The following CDH13 variants were observed in gnomAD, a reference collection of about 807,000 sequenced individuals.
The protein encoded by CDH13 is cadherin-13.
In CDH13, 24 loss-of-function variants were observed where a neutral mutation model predicts 63.8. The ratio of observed to expected loss-of-function variants is 0.38; its 90% CI spans 0.27 to 0.53. The LOEUF is 0.53. Among genes scored for constraint, CDH13 ranks in the 20% least tolerant of loss-of-function variants. The pLI, the probability that CDH13 is intolerant of heterozygous loss-of-function variation, is 0.85. For synonymous variants in CDH13, 503 were observed against 355.3 expected, an observed-to-expected ratio of 1.42 and a Z score of -4.67; for missense variants, 1,049 against 903.1, an observed-to-expected ratio of 1.16 and a Z score of -2.07.
intron 5 of CDH13, among the ~76,000 whole-genome samples, chr16:83,341,040 C>T (rs2090710258): frequency 6.6e-6 from 1 of 152,106 alleles, no homozygotes; most frequent in South Asian, 2.1e-4. Context: ...GCCATGCCTA[C>T]CTATTTGTTT....
chr16:83,459,547 GCTAA>G (rs1403738952), intron 6 of CDH13, among the ~76,000 whole-genome samples: 2 of 152,172 alleles, frequency 1.3e-5, no homozygotes, highest in Non-Finnish European at 2.9e-5. Context: ...CTTGAAGCAA[GCTAA>G]CTAATTAAAC....
At chr16:82,734,844 G>A (rs1304243798) in intron 1 of CDH13, among the ~76,000 whole-genome samples, 2 of 152,210 alleles carry the variant, frequency 1.3e-5, no homozygotes, top group Non-Finnish European at 2.9e-5. Flanking sequence ...CTGGGTGATT[G>A]TTGAGAAGCT....
chr16:82,800,968 A>G (rs2036827568), intron 1 of CDH13, among the ~76,000 whole-genome samples: 1 of 152,168 alleles, frequency 6.6e-6, no homozygotes, highest in African/African-American at 2.4e-5. Flanking sequence ...GGAGAAAAAA[A>G]GGGAATAGGA....
rs549847128 is a variant in CDH13 at position 82,676,932 on chromosome 16, A to T, written c.45+49795A>T. ...CGGAGTCTCACTCTGTCACCAGGCT[A>T]GAGTGCAGTGGCGCAAGCTCAGCTC... On this transcript the variant is annotated intron_variant, in intron 1 of 13. Coordinates refer to ENST00000567109, the MANE Select transcript of CDH13 (RefSeq NM_001257.5). 3.3e-5 allele frequency among the ~76,000 whole-genome samples: 5 copies of T among 152,124 alleles called. No individual in the cohort carries two copies. The East Asian group carries it at 9.6e-4, about 29-fold the overall frequency.
At chr16:82,923,731 T>A (rs1226633823) in intron 2 of CDH13, among the ~76,000 whole-genome samples, 1 of 152,242 alleles carries the variant, frequency 6.6e-6, no homozygotes, top group African/African-American at 2.4e-5. Flanking sequence ...AAGCGGCTCT[T>A]AAATATGTGC....
At position 82,718,576 on chromosome 16, in the gene CDH13, A is replaced by G. The variant is rs145212213; in HGVS notation, c.45+91439A>G. Among the ~76,000 whole-genome samples, 221 of 152,308 alleles carry G rather than the reference A, an allele frequency of 1.5e-3. 1 individual carries two copies. Among genetic ancestry groups the G allele is most frequent in the African/African-American group, 4.8e-3 (198 of 41,554 alleles). On this transcript the variant is annotated intron_variant, in intron 1 of 13. Coordinates refer to ENST00000567109, the MANE Select transcript of CDH13 (RefSeq NM_001257.5). ...ATTAGTCCATTTTCACGCTGCTGAT[A>G]AAGATATATCTAAGACTGGGCAATT...
chr16:83,369,699 A>G (rs1452031360), intron 6 of CDH13, among the ~76,000 whole-genome samples: 1 of 152,176 alleles, frequency 6.6e-6, no homozygotes, highest in Non-Finnish European at 1.5e-5. Context: ...TGTTGGGATT[A>G]CAGGCATGAG....
intron 2 of CDH13, among the ~76,000 whole-genome samples, chr16:83,018,317 C>A (rs147213222): frequency 6.2e-4 from 95 of 152,350 alleles, no homozygotes; most frequent in Non-Finnish European, 1.1e-3. Flanking sequence ...AAAATAGATG[C>A]TATTCCACAT....
At chr16:83,674,754 G>A (rs190647169) in intron 9 of CDH13, among the ~76,000 whole-genome samples, 1 of 152,182 alleles carries the variant, frequency 6.6e-6, no homozygotes, top group Non-Finnish European at 1.5e-5. Flanking sequence ...TGTCGGCTTC[G>A]TCTTTAAAAC....
intron 2 of CDH13, among the ~76,000 whole-genome samples, chr16:82,883,520 C>A (rs1056640407): frequency 6.6e-6 from 1 of 152,180 alleles, no homozygotes; most frequent in Non-Finnish European, 1.5e-5. Flanking sequence ...GATTCTGATT[C>A]AGGTGGTATG....
rs576469656 is a variant in CDH13 at position 83,684,519 on chromosome 16, C to G, written c.1538+6058C>G. The stretch of plus-strand genomic sequence containing the variant: ...GTTACATTAGGGAGGCAGCCGGCAG[C>G]TAAATCCTTCTGAATAGCTGGGAGG... On this transcript the variant is annotated intron_variant, in intron 10 of 13. Coordinates refer to ENST00000567109, the MANE Select transcript of CDH13 (RefSeq NM_001257.5). 3.0e-4 allele frequency among the ~76,000 whole-genome samples: 45 copies of G among 152,322 alleles called. 1 individual carries two copies. The South Asian group carries it at 8.7e-3, about 29-fold the overall frequency.
chr16:83,412,020 G>A (rs550548350), intron 6 of CDH13, among the ~76,000 whole-genome samples: 1 of 152,172 alleles, frequency 6.6e-6, no homozygotes, highest in Non-Finnish European at 1.5e-5. Context: ...GGTTCTCTGT[G>A]GATGTTTGTG....
chr16:83,248,298 G>T lies in CDH13; in HGVS notation c.636+30801G>T, dbSNP rs542605863. Among the ~76,000 whole-genome samples, 26 of 152,234 alleles carry T rather than the reference G, an allele frequency of 1.7e-4. No homozygotes were observed. The South Asian group carries it at 4.6e-3, about 27-fold the overall frequency. On this transcript the variant is annotated intron_variant, in intron 5 of 13. Transcript: ENST00000567109. ...AAGAAGGAGAAACAGAGGCAGGGGG[G>T]TACATAAAAATCCTACCCTCTAGCT... is the stretch of plus-strand genomic sequence containing the variant.
chr16:83,156,662 T>C (rs2037219926), intron 4 of CDH13, among the ~76,000 whole-genome samples: 1 of 152,240 alleles, frequency 6.6e-6, no homozygotes, highest in African/African-American at 2.4e-5. Flanking sequence ...ACTCACCTGC[T>C]GCCAGGGCTT....
chr16:83,182,211 C>T (rs982276887), intron 4 of CDH13, among the ~76,000 whole-genome samples: 1 of 152,188 alleles, frequency 6.6e-6, no homozygotes, highest in Non-Finnish European at 1.5e-5. Context: ...CTGCTAGTCA[C>T]GCCTTACATC....
At chr16:83,507,354 G>C (rs2074425216) in intron 7 of CDH13, among the ~76,000 whole-genome samples, 1 of 152,252 alleles carries the variant, frequency 6.6e-6, no homozygotes, top group Non-Finnish European at 1.5e-5. Context: ...ATGGCTGAAT[G>C]AATGAAGAGT....
chr16:83,521,940 T>C (rs1250677853), intron 7 of CDH13, among the ~76,000 whole-genome samples: 1 of 152,060 alleles, frequency 6.6e-6, no homozygotes, highest in Non-Finnish European at 1.5e-5. Context: ...GAGTCTGCCC[T>C]TGAAACACGT....
At chr16:83,145,303 C>A (rs1425026665) in intron 4 of CDH13, among the ~76,000 whole-genome samples, 4 of 152,148 alleles carry the variant, frequency 2.6e-5, no homozygotes, top group Admixed American at 2.6e-4. Flanking sequence ...AGCAGCAGCA[C>A]TTAGTTCAAT....
rs528812389 is a variant in CDH13, at chr16:83,800,454, C to A, written c.*5424C>A. The stretch of plus-strand genomic sequence containing the variant: ...ATGCTTTTTATTCACACACACTTTT[C>A]AAAAGGGATAAAAGTTAATCATGTT... On this transcript the variant is annotated 3_prime_UTR_variant, in exon 14 of 14. Transcript: ENST00000567109. The A allele has an allele frequency of 5.9e-5, 9 of 152,276 alleles. No individual in the cohort carries two copies. Among genetic ancestry groups the A allele is most frequent in the African/African-American group, 2.2e-4 (9 of 41,568 alleles). The allele number at this position is 152,276 out of a possible 1,614,324, so 9.4% of individuals were successfully genotyped here.
Sources: allele counts gnomAD v4.1 joint callset (sites outside exome capture counted in the v4.1 genomes callset), GRCh38; gene constraint gnomAD v4.1.1; transcripts MANE v1.5; gene names NCBI Gene and HGNC (gene_info 2026-07-23, HGNC 2026-07-21).